Variants in KIAA0753 observed in about 807,000 individuals in gnomAD.
The protein encoded by KIAA0753 is protein moonraker.
KIAA0753 carries 114 observed loss-of-function variants against 116.9 expected under a neutral mutation model. The ratio of observed to expected loss-of-function variants is 0.98; its 90% confidence interval spans 0.84 to 1.14. The LOEUF (loss-of-function observed/expected upper bound fraction) is 1.14. KIAA0753 is among the 50% of genes most tolerant of loss of function. The pLI is 0.00. For missense variants in KIAA0753, 1,156 were observed against 1,172.4 expected, an observed-to-expected ratio of 0.99 and a Z score of 0.20; for synonymous variants, 405 against 413.1, an observed-to-expected ratio of 0.98 and a Z score of 0.24.
chr17:6,583,527 T>C (rs1324653152), intron 18 of KIAA0753, among the ~76,000 whole-genome samples: 1 of 152,168 alleles, frequency 6.6e-6, no homozygotes, highest in African/African-American at 2.4e-5. Flanking sequence ...CCCTCTCTTC[T>C]TCACTTTTCG....
intron 8 of KIAA0753, 81 bp from the exon 9 acceptor site, chr17:6,610,241 A>C (rs1970443720): frequency 2.0e-5 from 29 of 1,444,922 alleles, no homozygotes; most frequent in Non-Finnish European, 2.7e-5. Flanking sequence ...CTGAAGCTCC[A>C]AGTTCTCCAT....
intron 16 of KIAA0753, among the ~76,000 whole-genome samples, chr17:6,591,026 G>GAAGGAA (rs1356058302): frequency 4.3e-5 from 4 of 93,516 alleles, no homozygotes; most frequent in Non-Finnish European, 5.8e-5. Context: ...GAAGGAAGAA[G>GAAGGAA]GAAGAAGGAA....
At chr17:6,607,365 G>T in intron 10 of KIAA0753, 95 bp from the exon 11 acceptor site, 1 of 925,442 alleles carries the variant, frequency 1.1e-6, no homozygotes. Context: ...CCACTGCAGA[G>T]CAGAGCACCA....
chr17:6,628,485 A>G lies in KIAA0753; in HGVS notation c.350T>C (p.Ile117Thr), dbSNP rs539780176. 1 of 1,614,112 alleles carries G rather than the reference A, an allele frequency of 6.2e-7. No homozygotes were observed. The highest frequency in any genetic ancestry group is 1.7e-5 in the Admixed American group (1 of 60,008). Residue 117 changes from isoleucine to threonine, a missense_variant, in exon 3 of 19, where the codon ATA (isoleucine) becomes ACA (threonine). Coordinates refer to ENST00000361413, the MANE Select transcript of KIAA0753 (RefSeq NM_014804.3). Reference protein sequence around the residue: ...DVKRRQFEKHIKEHHLRSQPQ... With the variant: ...DVKRRQFEKHTKEHHLRSQPQ... ...CTGACTTCTGAGATGATGTTCTTTT[A>G]TATGTTTTTCAAATTGTCTTCGTTT...
At position 6,578,870 on chromosome 17, in the gene KIAA0753, G is replaced by A. The variant is rs1063091; in HGVS notation, c.*877C>T. 1 of 151,850 alleles carries A rather than the reference G, an allele frequency of 6.6e-6. No individual in the cohort carries two copies. Among genetic ancestry groups the A allele is most frequent in the African/African-American group, 2.4e-5 (1 of 41,410 alleles). 9.4% of individuals were successfully genotyped at this position (151,850 alleles called of 1,614,324 possible). Reference sequence around the variant, plus strand: ...GGTTCTTAAGTTTCTTCCTTTCTCTGGGGAGACACAGAGGTCTTCGCGCCA... The same window carrying A: ...GGTTCTTAAGTTTCTTCCTTTCTCTAGGGAGACACAGAGGTCTTCGCGCCA... On this transcript the variant is annotated 3_prime_UTR_variant, in exon 19 of 19. Coordinates refer to ENST00000361413, the MANE Select transcript of KIAA0753 (RefSeq NM_014804.3).
In KIAA0753 at chr17:6,596,457, GCATA is replaced by G. The variant is rs1214579562; in HGVS notation, c.2173-118_2173-115del. ...TATTGTTAATCATAATAAACCAACAGCATACAGATCCAAATGGCAGAGTTTCTAT... is the reference window on the plus strand; with the variant it reads ...TATTGTTAATCATAATAAACCAACAGCAGATCCAAATGGCAGAGTTTCTAT... On this transcript the variant is annotated intron_variant, in intron 14 of 18. Coordinates refer to ENST00000361413, the MANE Select transcript of KIAA0753 (RefSeq NM_014804.3). 15 of 804,502 alleles carry G rather than the reference GCATA, an allele frequency of 1.9e-5. No homozygotes were observed. The Admixed American group carries it at 3.8e-4, about 20-fold the overall frequency. 49.8% of individuals were successfully genotyped at this position (804,502 alleles called of 1,614,324 possible).
rs1969192197 is a variant in KIAA0753 at position 6,593,106 on chromosome 17, A to G, written c.2440+1866T>C. ...TAGAAAAACAACAAAACAAACAAAA[A>G]CATGTATCTGGAAAAGAACTTGTAC... On this transcript the variant is annotated intron_variant, in intron 16 of 18. Coordinates refer to ENST00000361413, the MANE Select transcript of KIAA0753 (RefSeq NM_014804.3). Among the ~76,000 whole-genome samples the G allele has an allele frequency of 2.0e-5, 3 of 152,228 alleles. No individual in the cohort carries two copies. In the South Asian group the frequency reaches 6.2e-4, roughly 31 times the overall value.
chr17:6,615,736 T>C (rs1041520213), intron 7 of KIAA0753, among the ~76,000 whole-genome samples: 4 of 152,118 alleles, frequency 2.6e-5, no homozygotes, highest in Non-Finnish European at 4.4e-5. Context: ...TAGTAATGAT[T>C]TGCATAAAAC....
At chr17:6,621,348 A>G (rs1400598154) in intron 6 of KIAA0753, among the ~76,000 whole-genome samples, 1 of 152,238 alleles carries the variant, frequency 6.6e-6, no homozygotes, top group Non-Finnish European at 1.5e-5. Flanking sequence ...ATCAACAAAA[A>G]TCTCATAAAC....
At chr17:6,607,387 A>G in intron 10 of KIAA0753, 117 bp from the exon 11 acceptor site, 3 of 754,244 alleles carry the variant, frequency 4.0e-6, no homozygotes, top group East Asian at 5.0e-5. Flanking sequence ...TCCAGGCTCT[A>G]TTAAGCTACT....
chr17:6,617,641 A>T (rs1971018522), intron 7 of KIAA0753, among the ~76,000 whole-genome samples: 1 of 152,100 alleles, frequency 6.6e-6, no homozygotes, highest in Admixed American at 6.5e-5. Flanking sequence ...TTTTTCTCTA[A>T]TAAGGTGACT....
rs1201707227 is a variant in KIAA0753 at position 6,623,007 on chromosome 17, G to A, written c.979C>T (p.His327Tyr). ...FVTQFTDRGE[H>Y]PLPARCKELG... Reference sequence around the variant, plus strand: ...TCCTTACACCGAGCAGGAAGTGGATGCTCCCCTCGGTCAGTAAACTGAGTG... The same window carrying A: ...TCCTTACACCGAGCAGGAAGTGGATACTCCCCTCGGTCAGTAAACTGAGTG... The change falls in exon 6 of 19, where the codon CAT becomes TAT. Residue 327 changes from histidine to tyrosine, a missense_variant. Coordinates refer to ENST00000361413, the MANE Select transcript of KIAA0753 (RefSeq NM_014804.3). 1.2e-6 allele frequency: 2 copies of A among 1,614,166 alleles called. No homozygotes were observed. Among genetic ancestry groups the A allele is most frequent in the Non-Finnish European group, 1.7e-6 (2 of 1,180,022 alleles).
intron 10 of KIAA0753, 58 bp from the exon 11 acceptor site, chr17:6,607,328 A>AT (rs1428837081): frequency 7.2e-6 from 10 of 1,396,468 alleles, no homozygotes; most frequent in Non-Finnish European, 1.0e-5. Flanking sequence ...GGGTGTCATC[A>AT]TCACAGAAAC....
chr17:6,606,855 T>C lies in KIAA0753; in HGVS notation c.2009+18A>G, dbSNP rs1009612211. 8 of 1,606,838 alleles carry C rather than the reference T, an allele frequency of 5.0e-6. No homozygotes were observed. Among genetic ancestry groups the C allele is most frequent in the Non-Finnish European group, 6.8e-6 (8 of 1,173,458 alleles). ...ACAGGCAAACATCCACTATTCTTCC[T>C]AAGAAGCAAACACATACCTCAATTG... On this transcript the variant is annotated intron_variant, in intron 12 of 18. Transcript: ENST00000361413.
intron 7 of KIAA0753, among the ~76,000 whole-genome samples, chr17:6,614,690 G>A (rs1232322627): frequency 6.6e-6 from 1 of 152,092 alleles, no homozygotes; most frequent in Non-Finnish European, 1.5e-5. Context: ...ATACAAAAGG[G>A]GCCTCAACTG....
chr17:6,631,589 G>T (rs916765858), intron 2 of KIAA0753, among the ~76,000 whole-genome samples: 1 of 152,116 alleles, frequency 6.6e-6, no homozygotes, highest in Non-Finnish European at 1.5e-5. Flanking sequence ...AGGAGGAAGG[G>T]AAGAGAAAGA....
intron 14 of KIAA0753, among the ~76,000 whole-genome samples, chr17:6,597,677 T>C (rs766136096): frequency 1.3e-5 from 2 of 152,208 alleles, no homozygotes; most frequent in Non-Finnish European, 2.9e-5. Flanking sequence ...GTAGCAGCAA[T>C]AGACAGATAC....
At chr17:6,633,427 C>T (rs1420698682) in intron 2 of KIAA0753, among the ~76,000 whole-genome samples, 2 of 152,298 alleles carry the variant, frequency 1.3e-5, no homozygotes, top group Admixed American at 1.3e-4. Flanking sequence ...AGCTCTCATA[C>T]ATTGTCAGCA....
chr17:6,636,094 A>T (rs999076248), intron 1 of KIAA0753: 41 of 152,252 alleles, frequency 2.7e-4, no homozygotes, highest in Non-Finnish European at 8.8e-5. Flanking sequence ...AAAAAATCCT[A>T]CAGTAAATCA....
Sources: gnomAD v4.1 joint callset for allele counts (sites outside exome capture counted in the v4.1 genomes callset) on GRCh38, gnomAD v4.1.1 for gene constraint, MANE v1.5 for transcripts, NCBI Gene and HGNC (gene_info 2026-07-23, HGNC 2026-07-21) for gene names.